Variants in NUCB2 observed in about 807,000 individuals in gnomAD.
NUCB2 encodes nucleobindin-2.
Under a neutral mutation model 57.9 loss-of-function variants are expected in NUCB2, and 48 were observed. The observed-to-expected ratio is 0.83, with a 90% confidence interval of 0.66 to 1.05. NUCB2 has a LOEUF of 1.05. Ranked by LOEUF, NUCB2 falls within the 50% of genes least tolerant of loss-of-function variation. The probability of loss-of-function intolerance (pLI) is 0.00; values close to 1 mark genes in which losing one functional copy is unlikely to be tolerated. For synonymous variants in NUCB2, 139 were observed against 152.1 expected (o/e 0.91, Z 0.64); for missense variants, 442 against 476.2 (o/e 0.93, Z 0.67).
chr11:17,319,666 A>T (rs900816594), intron 11 of NUCB2, among the ~76,000 whole-genome samples: 2 of 152,136 alleles, frequency 1.3e-5, no homozygotes, highest in African/African-American at 4.8e-5. Flanking sequence ...ATATATTAAA[A>T]CTCATGAATT....
chr11:17,285,346 G>A (rs1306082314), intron 2 of NUCB2, among the ~76,000 whole-genome samples: 2 of 152,106 alleles, frequency 1.3e-5, no homozygotes, highest in African/African-American at 2.4e-5. Flanking sequence ...AGGCCGAGGC[G>A]GGCGGATCAC....
chr11:17,278,726 G>C (rs2137773592), intron 1 of NUCB2, among the ~76,000 whole-genome samples: 1 of 151,968 alleles, frequency 6.6e-6, no homozygotes, highest in African/African-American at 2.4e-5. Context: ...TTTTGTTTTG[G>C]GATATGTTAT....
At chr11:17,314,526 A>G (rs1255234092) in intron 10 of NUCB2, among the ~76,000 whole-genome samples, 1 of 151,902 alleles carries the variant, frequency 6.6e-6, no homozygotes, top group Non-Finnish European at 1.5e-5. Flanking sequence ...TTTGGACTTA[A>G]TATTTCTTTT....
chr11:17,340,158 G>T (rs1288999904), intron 2 of NUCB2, among the ~76,000 whole-genome samples: 1 of 152,204 alleles, frequency 6.6e-6, no homozygotes, highest in Non-Finnish European at 1.5e-5. Context: ...CTTCTTTTGA[G>T]AAGTGTCTGT....
chr11:17,321,086 CT>C (rs1949959105), intron 11 of NUCB2, among the ~76,000 whole-genome samples: 1 of 152,142 alleles, frequency 6.6e-6, no homozygotes, highest in Admixed American at 6.5e-5. Flanking sequence ...ACTGTTTATC[CT>C]TTGTGTTACA....
At chr11:17,282,258 ATTTTT>A (rs71047540) in intron 1 of NUCB2, among the ~76,000 whole-genome samples, 22,071 of 103,250 alleles carry the variant, frequency 0.21, 2,050 homozygotes, top group Middle Eastern at 0.38. Context: ...ATATATATAT[ATTTTT>A]TTTTTTTTTT....
At chr11:17,312,344 T>C (rs2521997) in intron 10 of NUCB2, among the ~76,000 whole-genome samples, 109,144 of 151,202 alleles carry the variant, frequency 0.72, 39,683 homozygotes, top group East Asian at 0.88. Flanking sequence ...AGCAATCCTT[T>C]GGTCTCAGCC....
intron 13 of NUCB2, 85 bp downstream of exon 13, chr11:17,331,068 A>G: frequency 4.4e-6 from 4 of 914,272 alleles, no homozygotes; most frequent in Non-Finnish European, 1.7e-6. Context: ...TATAATTTCA[A>G]ATCATTAAGA....
intron 2 of NUCB2, 87 bp from the exon 3 acceptor site, chr11:17,295,237 A>G: frequency 8.4e-7 from 1 of 1,185,862 alleles, no homozygotes; most frequent in Non-Finnish European, 1.1e-6. Flanking sequence ...TTGAGATTAA[A>G]TATATGATTA....
chr11:17,326,220 G>A (rs995676556), intron 11 of NUCB2, among the ~76,000 whole-genome samples: 1 of 149,736 alleles, frequency 6.7e-6, no homozygotes, highest in Non-Finnish European at 1.5e-5. Flanking sequence ...GGCTGGTCTC[G>A]AACTCCCAAC....
chr11:17,283,577 G>A (rs928040640), intron 2 of NUCB2: 2 of 152,092 alleles, frequency 1.3e-5, no homozygotes, highest in Non-Finnish European at 2.9e-5. Context: ...AATAAATTGT[G>A]TTTCTGTTTT....
chr11:17,301,756 A>T lies in NUCB2; in HGVS notation c.265A>T (p.Ser89Cys). The T allele has an allele frequency of 2.5e-6, 4 of 1,609,280 alleles. No homozygotes were observed. The highest frequency in any genetic ancestry group is 3.4e-6 in the Non-Finnish European group (4 of 1,175,720). Residue 89 changes from serine to cysteine, a missense_variant, in exon 5 of 14, where the codon AGC becomes TGC. Coordinates refer to ENST00000529010, the MANE Select transcript of NUCB2 (RefSeq NM_005013.4). Reference protein sequence around the residue: ...DIEEIKSGRLSKELDLVSHHV... With the variant: ...DIEEIKSGRLCKELDLVSHHV... ...ATTTTGTTAACAGAGTGGGAGGCTA[A>T]GCAAAGAACTGGATTTAGTAAGTCA... is the stretch of plus-strand genomic sequence containing the variant.
intron 2 of NUCB2, among the ~76,000 whole-genome samples, chr11:17,347,259 A>G (rs371276553): frequency 4.6e-5 from 7 of 152,198 alleles, no homozygotes; most frequent in Non-Finnish European, 8.8e-5. Context: ...TTGAGTTTCT[A>G]CCTTTCCAAA....
chr11:17,335,486 C>A (rs368620122), downstream of NUCB2, among the ~76,000 whole-genome samples: 35 of 151,998 alleles, frequency 2.3e-4, no homozygotes, highest in South Asian at 7.3e-3. Context: ...GAGTACTAGG[C>A]ATTTATGAAT....
chr11:17,349,543 T>G (rs955649950), exon 3 of NUCB2: 3 of 152,234 alleles, frequency 2.0e-5, no homozygotes, highest in Admixed American at 1.3e-4. Flanking sequence ...TTCCTTCTCT[T>G]TAAGGACATT....
At chr11:17,321,625 A>C (rs1404627251) in intron 11 of NUCB2, among the ~76,000 whole-genome samples, 1 of 152,094 alleles carries the variant, frequency 6.6e-6, no homozygotes, top group East Asian at 1.9e-4. Flanking sequence ...TTGCATTAAG[A>C]TTGCTGGGTC....
At chr11:17,306,727 G>C (rs1947700948) in intron 5 of NUCB2, among the ~76,000 whole-genome samples, 1 of 152,110 alleles carries the variant, frequency 6.6e-6, no homozygotes, top group Middle Eastern at 3.2e-3. Flanking sequence ...GACCAGCCTG[G>C]CCAACATGGC....
chr11:17,279,733 A>C (rs1029168351), intron 1 of NUCB2, among the ~76,000 whole-genome samples: 4 of 151,564 alleles, frequency 2.6e-5, no homozygotes, highest in Admixed American at 2.0e-4. Flanking sequence ...AAAGCAGCCT[A>C]ATAGAAGTTC....
chr11:17,281,511 T>C (rs1942564110), intron 1 of NUCB2, among the ~76,000 whole-genome samples: 1 of 152,206 alleles, frequency 6.6e-6, no homozygotes, highest in Admixed American at 6.5e-5. Context: ...AGAAGGGCAT[T>C]AATATTTATT....
Sources: gnomAD v4.1 joint callset for allele counts (sites outside exome capture counted in the v4.1 genomes callset) on GRCh38, gnomAD v4.1.1 for gene constraint, MANE v1.5 for transcripts, NCBI Gene and HGNC (gene_info 2026-07-23, HGNC 2026-07-21) for gene names.